SPATA13: variants seen among roughly 807,000 people sequenced by gnomAD.
SPATA13 encodes the protein spermatogenesis-associated protein 13.
SPATA13 carries 50 observed loss-of-function variants against 104.0 expected under a neutral mutation model. The observed-to-expected ratio is 0.48, with a 90% CI of 0.38 to 0.61. SPATA13 has a LOEUF of 0.61. SPATA13 is among the 20% of genes least tolerant of loss of function. The probability of loss-of-function intolerance (pLI) is 0.00; values close to 1 mark genes in which losing one functional copy is unlikely to be tolerated. For synonymous variants in SPATA13, 606 were observed against 667.5 expected (o/e 0.91, Z 1.42); for missense variants, 1,524 against 1,690.6 (o/e 0.90, Z 1.73).
chr13:24,056,675 C>T (rs941606092), intron 3 of SPATA13, among the ~76,000 whole-genome samples: 6 of 152,268 alleles, frequency 3.9e-5, no homozygotes, highest in African/African-American at 1.2e-4. Flanking sequence ...ATGGCTTCTT[C>T]GGATGGCCCT....
intron 10 of SPATA13, among the ~76,000 whole-genome samples, 187 bp downstream of exon 10, chr13:24,295,055 C>G (rs567480915): frequency 5.3e-4 from 81 of 152,218 alleles, no homozygotes; most frequent in African/African-American, 1.9e-3. Flanking sequence ...ACTTTATACC[C>G]CACTCCCATA....
chr13:24,303,073 C>A lies in SPATA13; in HGVS notation c.*300C>A. The A allele has an allele frequency of 2.3e-6, 1 of 434,536 alleles. No homozygotes were observed. Among genetic ancestry groups the A allele is most frequent in the Non-Finnish European group, 4.3e-6 (1 of 231,946 alleles). 26.9% of individuals were successfully genotyped at this position (434,536 alleles called of 1,614,324 possible). On this transcript the variant is annotated 3_prime_UTR_variant, in exon 13 of 13. Transcript: ENST00000382108. ...TGCTCTAAAGCGAGTGATTAGGCAG[C>A]AGCTGAAGCCACCCCTGCTGATGAT...
At chr13:24,179,141 G>T (rs941778415) in intron 1 of SPATA13, among the ~76,000 whole-genome samples, 3 of 152,092 alleles carry the variant, frequency 2.0e-5, no homozygotes, top group Non-Finnish European at 2.9e-5. Context: ...ATACTTCATT[G>T]TATGTATGTA....
rs1050591869 is a variant in SPATA13 at position 24,161,158 on chromosome 13, C to T, written c.-112+226C>T. Among the ~76,000 whole-genome samples the T allele has an allele frequency of 1.1e-4, 17 of 152,198 alleles. No individual in the cohort carries two copies. The highest frequency in any genetic ancestry group is 7.3e-5 in the Non-Finnish European group (5 of 68,030). ...GGCGGTGGCTCTGCGCCCTCTGGGC[C>T]ACCCGGCACCATCGCTTTTGGGAGG... On this transcript the variant is annotated intron_variant, in intron 1 of 12. Coordinates refer to ENST00000382108, the MANE Select transcript of SPATA13 (RefSeq NM_001166271.3). The surrounding 1 kb of genome is among the most constrained non-coding windows in gnomAD (Gnocchi z 4.5).
chr13:24,029,628 T>C (rs1042787146), intron 3 of SPATA13, among the ~76,000 whole-genome samples: 3 of 152,160 alleles, frequency 2.0e-5, no homozygotes, highest in African/African-American at 7.2e-5. Flanking sequence ...AAATTTAGAT[T>C]TTGATATTTT....
rs565858739 is a variant in SPATA13 at position 24,223,312 on chromosome 13, G to T, written c.383G>T (p.Arg128Leu). Reference sequence around the variant, plus strand: ...TCAGTCCTGAAAGGAATTCAGAGCCGAGAGGGGTCAAATGCCTGTTCAAAG... The same window carrying T: ...TCAGTCCTGAAAGGAATTCAGAGCCTAGAGGGGTCAAATGCCTGTTCAAAG... ...KSSVLKGIQS[R>L]EGSNACSKGE... Residue 128 changes from arginine (R) to leucine (L), a missense_variant, in exon 2 of 13, where the codon CGA (arginine) becomes CTA (leucine). Physicochemically the swap from Arg to Leu is moderately radical, Grantham distance 102 (BLOSUM62 -2). Transcript: ENST00000382108. The T allele has an allele frequency of 9.0e-6, 14 of 1,551,520 alleles. No homozygotes were observed. Among genetic ancestry groups the T allele is most frequent in the Non-Finnish European group, 1.1e-5 (13 of 1,146,994 alleles).
In SPATA13 at chr13:24,286,071, A is replaced by G. The variant is rs892531540; in HGVS notation, c.2302-143A>G. The G allele has an allele frequency of 5.0e-5, 35 of 700,728 alleles. No individual in the cohort carries two copies. The highest frequency in any genetic ancestry group is 8.1e-5 in the Non-Finnish European group (35 of 432,124). 43.4% of individuals were successfully genotyped at this position (700,728 alleles called of 1,614,324 possible). ...CTGGGTTCTCTTTGTGTAACCAGTC[A>G]CATAGTCAGTGTGGACCAAATGCCA... On this transcript the variant is annotated intron_variant, in intron 5 of 12. Coordinates refer to ENST00000382108, the MANE Select transcript of SPATA13 (RefSeq NM_001166271.3). The surrounding 1 kb of genome is among the most constrained non-coding windows in gnomAD (Gnocchi z 4.9).
In SPATA13 at chr13:24,291,740, A is replaced by ATTT. The variant is rs111558434; in HGVS notation, c.3080+861_3080+863dup. On this transcript the variant is annotated intron_variant, in intron 9 of 12. Coordinates refer to ENST00000382108, the MANE Select transcript of SPATA13 (RefSeq NM_001166271.3). ...CAAAATACACTCTCTCTCTGTCTTTATTTTTTTATTTTTTTATTTTTTTTT... is the reference window on the plus strand; with the variant it reads ...CAAAATACACTCTCTCTCTGTCTTTATTTTTTTTTTATTTTTTTATTTTTTTTT... Among the ~76,000 whole-genome samples the ATTT allele has an allele frequency of 2.6e-3, 366 of 138,776 alleles. 1 individual carries two copies. Among genetic ancestry groups the ATTT allele is most frequent in the African/African-American group, 4.6e-3 (172 of 37,650 alleles). 91.0% of individuals were successfully genotyped at this position (138,776 alleles called of 152,430 possible). A position where few individuals can be genotyped will look rare whatever the true frequency, so the allele number is the denominator to read the frequency against.
chr13:24,168,642 C>T (rs371794702), intron 1 of SPATA13, among the ~76,000 whole-genome samples: 89 of 152,272 alleles, frequency 5.8e-4, no homozygotes, highest in African/African-American at 2.0e-3. Context: ...GCGTTACCCA[C>T]GGACTGAATA....
In SPATA13 at chr13:24,223,869, G is replaced by T; in HGVS notation, c.940G>T (p.Ala314Ser). The T allele has an allele frequency of 1.9e-6, 3 of 1,551,728 alleles. No individual in the cohort carries two copies. Among genetic ancestry groups the T allele is most frequent in the Non-Finnish European group, 2.6e-6 (3 of 1,147,008 alleles). The change falls in exon 2 of 13, where the codon GCC (alanine) becomes TCC (serine). Residue 314 changes from alanine to serine, a missense_variant. Physicochemically the swap from Ala to Ser is moderately conservative, Grantham distance 99. Coordinates refer to ENST00000382108, the MANE Select transcript of SPATA13 (RefSeq NM_001166271.3). ...CAAACGCTGGAGGAGCCCGATAAGG[G>T]CCAAGGACTTTGACAGAGTCTTCAA... ...RTKRWRSPIR[A>S]KDFDRVFKLV...
At chr13:24,301,417 T>C (rs967078807) in intron 12 of SPATA13, among the ~76,000 whole-genome samples, 2 of 152,242 alleles carry the variant, frequency 1.3e-5, no homozygotes, top group Non-Finnish European at 2.9e-5. Flanking sequence ...GTTACAAATA[T>C]CTTTAAGGCA....
intron 2 of SPATA13, among the ~76,000 whole-genome samples, chr13:24,235,706 A>G (rs1264481060): frequency 6.6e-6 from 1 of 152,346 alleles, no homozygotes; most frequent in East Asian, 1.9e-4. Context: ...ACAGTGAGTT[A>G]TGATTGCACC....
upstream of SPATA13, among the ~76,000 whole-genome samples, chr13:24,157,757 G>A (rs1437835893): frequency 1.3e-5 from 2 of 152,144 alleles, no homozygotes; most frequent in Non-Finnish European, 2.9e-5. Flanking sequence ...TCAGCAGATG[G>A]AATACAGCAT....
chr13:24,231,381 C>A (rs1593442806), intron 2 of SPATA13, among the ~76,000 whole-genome samples: 1 of 152,168 alleles, frequency 6.6e-6, no homozygotes. Flanking sequence ...TGGCTTCTTT[C>A]ACTGAGCAAA....
At chr13:24,149,778 G>A (rs1593361556) in intron 3 of SPATA13, among the ~76,000 whole-genome samples, 1 of 152,220 alleles carries the variant, frequency 6.6e-6, no homozygotes, top group Admixed American at 6.5e-5. Flanking sequence ...GGAGAGCTGC[G>A]GGTCAGGTTG....
chr13:24,213,578 T>C (rs970953785), intron 1 of SPATA13, among the ~76,000 whole-genome samples: 8 of 152,214 alleles, frequency 5.3e-5, no homozygotes, highest in African/African-American at 1.9e-4. Flanking sequence ...GTCTTTCTTA[T>C]CCTAGAAAGA....
At chr13:24,139,630 T>G (rs1292097579) in intron 3 of SPATA13, among the ~76,000 whole-genome samples, 1 of 152,236 alleles carries the variant, frequency 6.6e-6, no homozygotes. Flanking sequence ...CACTAGTTAC[T>G]AAACACCAAC....
intron 3 of SPATA13, among the ~76,000 whole-genome samples, chr13:24,124,510 G>A (rs1434298163): frequency 6.6e-6 from 1 of 152,338 alleles, no homozygotes; most frequent in African/African-American, 2.4e-5. Flanking sequence ...AAGGTGGATG[G>A]CCTGGTGGGA....
intron 3 of SPATA13, chr13:24,033,795 C>G (rs547044646): frequency 2.0e-5 from 3 of 152,352 alleles, no homozygotes; most frequent in Non-Finnish European, 4.4e-5. Context: ...CAGCCTGTGA[C>G]TTCCTCAGGA....
Sources: allele counts gnomAD v4.1 joint callset (sites outside exome capture counted in the v4.1 genomes callset), GRCh38; gene constraint gnomAD v4.1.1; non-coding constraint Gnocchi (gnomAD v3.1); transcripts MANE v1.5; gene names NCBI Gene and HGNC (gene_info 2026-07-23, HGNC 2026-07-21).